LRMDA: variants seen among roughly 807,000 people sequenced by gnomAD.
The protein encoded by LRMDA is leucine-rich melanocyte differentiation-associated protein.
In LRMDA, 18 loss-of-function variants were observed where a neutral mutation model predicts 29.8. The observed-to-expected ratio is 0.60, with a 90% CI of 0.42 to 0.90. The LOEUF is 0.90. LRMDA is among the 40% of genes least tolerant of loss of function. The pLI, the probability that LRMDA is intolerant of heterozygous loss-of-function variation, is 0.00. For synonymous variants in LRMDA, 125 were observed against 109.4 expected (o/e 1.14, Z -0.89); for missense variants, 273 against 273.9 (o/e 1.00, Z 0.02).
chr10:76,090,318 G>T (rs1419501190), intron 5 of LRMDA, among the ~76,000 whole-genome samples: 1 of 152,190 alleles, frequency 6.6e-6, no homozygotes, highest in Non-Finnish European at 1.5e-5. Flanking sequence ...CTAGGTTTGG[G>T]TTGGGGATGT....
chr10:76,535,165 C>T (rs1207546958), intron 6 of LRMDA, among the ~76,000 whole-genome samples: 1 of 152,030 alleles, frequency 6.6e-6, no homozygotes, highest in Non-Finnish European at 1.5e-5. Context: ...AAGCATGAGT[C>T]CATGACCAGA....
intron 2 of LRMDA, among the ~76,000 whole-genome samples, chr10:75,493,781 T>C (rs182979131): frequency 2.6e-5 from 4 of 152,148 alleles, no homozygotes; most frequent in Non-Finnish European, 5.9e-5. Context: ...CAGTCATAAC[T>C]CCGGGGAGAA....
intron 6 of LRMDA, among the ~76,000 whole-genome samples, chr10:76,488,055 T>C (rs1003240073): frequency 2.0e-4 from 30 of 151,896 alleles, no homozygotes; most frequent in African/African-American, 7.2e-4. Context: ...TTTTTTAAAA[T>C]GCTGTTTGAA....
intron 6 of LRMDA, among the ~76,000 whole-genome samples, chr10:76,441,402 T>C (rs1283685501): frequency 2.0e-5 from 3 of 152,184 alleles, no homozygotes; most frequent in African/African-American, 7.2e-5. Context: ...ATTACTGACC[T>C]TCTATGTGCC....
At chr10:76,508,344 A>G (rs1221201408) in intron 6 of LRMDA, among the ~76,000 whole-genome samples, 3 of 152,138 alleles carry the variant, frequency 2.0e-5, no homozygotes, top group Non-Finnish European at 4.4e-5. Context: ...TACAACAGTT[A>G]TTACCGTGGT....
At chr10:75,854,196 T>C (rs1325134398) in intron 2 of LRMDA, among the ~76,000 whole-genome samples, 1 of 152,164 alleles carries the variant, frequency 6.6e-6, no homozygotes, top group Non-Finnish European at 1.5e-5. Flanking sequence ...CTGAGGTTTG[T>C]ACAGGATAGG....
At chr10:75,797,079 A>G (rs998447857) in intron 2 of LRMDA, among the ~76,000 whole-genome samples, 33 of 152,298 alleles carry the variant, frequency 2.2e-4, no homozygotes, top group Non-Finnish European at 7.3e-5. Flanking sequence ...GAATTCACCA[A>G]TGAAACCCTT....
chr10:75,732,075 T>C (rs1842705878), intron 2 of LRMDA, among the ~76,000 whole-genome samples: 1 of 152,188 alleles, frequency 6.6e-6, no homozygotes, highest in African/African-American at 2.4e-5. Context: ...CCTAACACTT[T>C]TACGTTACCT....
chr10:75,749,013 A>G (rs1842922130), intron 2 of LRMDA, among the ~76,000 whole-genome samples: 1 of 152,172 alleles, frequency 6.6e-6, no homozygotes, highest in South Asian at 2.1e-4. Context: ...AACTGCATGG[A>G]TCCACTTATA....
intron 5 of LRMDA, among the ~76,000 whole-genome samples, chr10:76,117,087 A>G (rs1355481552): frequency 6.6e-6 from 1 of 152,168 alleles, no homozygotes; most frequent in Non-Finnish European, 1.5e-5. Flanking sequence ...CAAATTGGAA[A>G]TCTTTGCTAG....
At chr10:76,365,069 TATACAC>T (rs1189965810) in intron 6 of LRMDA, among the ~76,000 whole-genome samples, 10 of 53,964 alleles carry the variant, frequency 1.9e-4, no homozygotes, top group African/African-American at 7.6e-4. Flanking sequence ...ATCGTATATA[TATACAC>T]ACACACACAC....
chr10:76,391,574 A>T (rs959000724), intron 6 of LRMDA, among the ~76,000 whole-genome samples: 2 of 152,214 alleles, frequency 1.3e-5, no homozygotes, highest in Non-Finnish European at 2.9e-5. Context: ...TTGACAGAAT[A>T]CACACTTAGG....
chr10:76,053,737 T>C (rs553469194), intron 4 of LRMDA, among the ~76,000 whole-genome samples: 4 of 152,276 alleles, frequency 2.6e-5, no homozygotes, highest in African/African-American at 7.2e-5. Flanking sequence ...ACTGCAGGCA[T>C]TGGGGCAGGG....
intron 2 of LRMDA, among the ~76,000 whole-genome samples, chr10:76,004,022 A>C (rs1322731877): frequency 6.6e-6 from 1 of 152,192 alleles, no homozygotes; most frequent in East Asian, 1.9e-4. Context: ...TAAATGAAAA[A>C]CTGAGTGAAT....
intron 5 of LRMDA, among the ~76,000 whole-genome samples, chr10:76,114,057 C>T (rs1849624821): frequency 6.6e-6 from 1 of 152,134 alleles, no homozygotes; most frequent in African/African-American, 2.4e-5. Context: ...TATATTGTTT[C>T]CAGCACTTGG....
At chr10:76,276,043 A>ATC (rs1032477432) in intron 5 of LRMDA, among the ~76,000 whole-genome samples, 6 of 146,800 alleles carry the variant, frequency 4.1e-5, no homozygotes, top group Non-Finnish European at 7.4e-5. Flanking sequence ...CTATCTATCT[A>ATC]TCTATCTATC....
chr10:75,547,201 G>A (rs1398157976), intron 2 of LRMDA, among the ~76,000 whole-genome samples: 2 of 152,168 alleles, frequency 1.3e-5, no homozygotes, highest in African/African-American at 4.8e-5. Flanking sequence ...TTATTCATCA[G>A]TGCACCCAAC....
chr10:75,471,303 CTT>C (rs71024546), intron 2 of LRMDA, among the ~76,000 whole-genome samples: 2 of 146,654 alleles, frequency 1.4e-5, no homozygotes, highest in East Asian at 2.0e-4. Flanking sequence ...AAAAGCTTAC[CTT>C]TTTTTTTTTC....
chr10:75,623,331 T>A (rs1276305233), intron 2 of LRMDA, among the ~76,000 whole-genome samples: 1 of 152,110 alleles, frequency 6.6e-6, no homozygotes, highest in Non-Finnish European at 1.5e-5. Context: ...AATGGGAGCT[T>A]GTAAAATAAA....
Sources: allele counts gnomAD v4.1 joint callset (sites outside exome capture counted in the v4.1 genomes callset), GRCh38; gene constraint gnomAD v4.1.1; transcripts MANE v1.5; gene names NCBI Gene and HGNC (gene_info 2026-07-23, HGNC 2026-07-21).